Variants in RSBN1 observed in about 807,000 individuals in gnomAD.
RSBN1 encodes round spermatid basic protein 1, also known as lysine-specific demethylase 9.
RSBN1 carries 23 observed loss-of-function variants against 74.8 expected under a neutral mutation model. The observed-to-expected ratio is 0.31, with a 90% CI of 0.22 to 0.44. The LOEUF (loss-of-function observed/expected upper bound fraction) is 0.44. Among genes scored for constraint, RSBN1 ranks in the 20% least tolerant of loss-of-function variants. RSBN1 has a pLI of 1.00. For missense variants in RSBN1, 808 were observed against 1,020.9 expected, an observed-to-expected ratio of 0.79 and a Z score of 2.84; for synonymous variants, 407 against 379.6, an observed-to-expected ratio of 1.07 and a Z score of -0.84.
intron 2 of RSBN1, among the ~76,000 whole-genome samples, chr1:113,793,677 CTTTTT>C (rs10707246): frequency 1.4e-5 from 2 of 146,526 alleles, no homozygotes; most frequent in Non-Finnish European, 3.0e-5. Flanking sequence ...CCTAAGAGTT[CTTTTT>C]TTTTTTTTCT....
chr1:113,771,913 GA>G (rs988510022), intron 4 of RSBN1, among the ~76,000 whole-genome samples: 6 of 150,604 alleles, frequency 4.0e-5, no homozygotes, highest in African/African-American at 1.5e-4. Flanking sequence ...GAAACTGCAG[GA>G]AAAACAAGAC....
intron 4 of RSBN1, among the ~76,000 whole-genome samples, chr1:113,776,389 T>C (rs1660027035): frequency 6.6e-6 from 1 of 152,196 alleles, no homozygotes; most frequent in Non-Finnish European, 1.5e-5. Flanking sequence ...TTAAGTTTTG[T>C]TTGGTTTTGG....
At chr1:113,803,997 G>C (rs1052681481) in intron 1 of RSBN1, among the ~76,000 whole-genome samples, 3 of 150,874 alleles carry the variant, frequency 2.0e-5, no homozygotes, top group Non-Finnish European at 4.4e-5. Flanking sequence ...TGTAGTCCTA[G>C]CTGCAGGAGT....
At chr1:113,769,447 G>A (rs1440631141) in intron 4 of RSBN1, among the ~76,000 whole-genome samples, 1 of 152,086 alleles carries the variant, frequency 6.6e-6, no homozygotes, top group Admixed American at 6.6e-5. Context: ...GGGGAAGTGG[G>A]GATTAGATGG....
At chr1:113,798,808 G>A (rs371455700) in intron 1 of RSBN1, among the ~76,000 whole-genome samples, 1 of 152,078 alleles carries the variant, frequency 6.6e-6, no homozygotes, top group African/African-American at 2.4e-5. Context: ...TTAAACTCTG[G>A]TAGTTACATA....
chr1:113,811,992 G>T lies in RSBN1; in HGVS notation c.421C>A (p.Leu141Ile). The change falls in exon 1 of 7, where the codon CTT becomes ATT. Residue 141 changes from leucine (L) to isoleucine (I), a missense_variant. Coordinates refer to ENST00000261441, the MANE Select transcript of RSBN1 (RefSeq NM_018364.5). Reference protein sequence around the residue: ...APTVPGPVEPLLLPPPPPPSL... With the variant: ...APTVPGPVEPILLPPPPPPSL... ...GGTGGCGGCGGAGGCGGCAGGAGAA[G>T]AGGCTCAACAGGGCCTGGGACAGTT... 1 of 1,559,988 alleles carries T rather than the reference G, an allele frequency of 6.4e-7. No individual in the cohort carries two copies. Among genetic ancestry groups the T allele is most frequent in the East Asian group, 2.3e-5 (1 of 42,936 alleles).
At position 113,811,823 on chromosome 1, in the gene RSBN1, T is replaced by G; in HGVS notation, c.590A>C (p.His197Pro). 1 of 1,613,422 alleles carries G rather than the reference T, an allele frequency of 6.2e-7. No homozygotes were observed. Among genetic ancestry groups the G allele is most frequent in the Non-Finnish European group, 8.5e-7 (1 of 1,179,836 alleles). The change falls in exon 1 of 7, where the codon CAC becomes CCC. Residue 197 changes from histidine (H) to proline (P), a missense_variant. Physicochemically the swap from His to Pro is moderately conservative, Grantham distance 77. Coordinates refer to ENST00000261441, the MANE Select transcript of RSBN1 (RefSeq NM_018364.5). The stretch of plus-strand genomic sequence containing the variant: ...GCTGGGATCACCATCGGGGCCGCGG[T>G]GGTGATGGTGCTTGTGCCGCTCCTT... ...GHKERHKHHHHRGPDGDPSSC... is the reference protein window; with the variant it reads ...GHKERHKHHHPRGPDGDPSSC...
At chr1:113,768,125 A>G in intron 5 of RSBN1, 97 bp downstream of exon 5, 1 of 1,039,540 alleles carries the variant, frequency 9.6e-7, no homozygotes. Flanking sequence ...TGTGTATTTT[A>G]CCACAATTTA....
At chr1:113,806,319 C>T (rs1234964375) in intron 1 of RSBN1, among the ~76,000 whole-genome samples, 2 of 146,432 alleles carry the variant, frequency 1.4e-5, no homozygotes, top group African/African-American at 5.1e-5. Flanking sequence ...TGGCACAGAG[C>T]GAGACTCTGT....
rs1045585157 is a variant in RSBN1, at chr1:113,764,911, T to A, written c.*1069A>T. 6.6e-6 allele frequency: 1 copy of A among 152,274 alleles called. No homozygotes were observed. Among genetic ancestry groups the A allele is most frequent in the Non-Finnish European group, 1.5e-5 (1 of 67,996 alleles). 9.4% of individuals were successfully genotyped at this position (152,274 alleles called of 1,614,324 possible). On this transcript the variant is annotated 3_prime_UTR_variant, in exon 7 of 7. Transcript: ENST00000261441. ...CTCAGGCACTAAGCATTAGCCTACC[T>A]GAAACTCTAGGATGAAGTCTAGTGC...
chr1:113,762,131 G>A lies in RSBN1; in HGVS notation c.*3849C>T, dbSNP rs1659690336. 1 of 152,638 alleles carries A rather than the reference G, an allele frequency of 6.6e-6. No individual in the cohort carries two copies. Among genetic ancestry groups the A allele is most frequent in the Non-Finnish European group, 1.5e-5 (1 of 68,004 alleles). 9.5% of individuals were successfully genotyped at this position (152,638 alleles called of 1,614,324 possible). On this transcript the variant is annotated 3_prime_UTR_variant, in exon 7 of 7. Transcript: ENST00000261441. ...GCAAAGACCTCTTAGATAAATAAAA[G>A]CCACAGGAAAAAAAGTCTTAGCTGC...
At position 113,811,705 on chromosome 1, in the gene RSBN1, C is replaced by G; in HGVS notation, c.703+5G>C. ...ACCCAAGCCGGGCAGTTTGCCTGCTCTCACCTCTCTTGGGGGCTTTGATCA... is the reference window on the plus strand; with the variant it reads ...ACCCAAGCCGGGCAGTTTGCCTGCTGTCACCTCTCTTGGGGGCTTTGATCA... On this transcript the variant is annotated splice_donor_5th_base_variant and intron_variant, in intron 1 of 6. Coordinates refer to ENST00000261441, the MANE Select transcript of RSBN1 (RefSeq NM_018364.5). 1 of 1,576,110 alleles carries G rather than the reference C, an allele frequency of 6.3e-7. No individual in the cohort carries two copies. The highest frequency in any genetic ancestry group is 8.6e-7 in the Non-Finnish European group (1 of 1,157,594).
rs1253780587 is a variant in RSBN1, at chr1:113,762,940, T to TA, written c.*3039dup. On this transcript the variant is annotated 3_prime_UTR_variant, in exon 7 of 7. Coordinates refer to ENST00000261441, the MANE Select transcript of RSBN1 (RefSeq NM_018364.5). The stretch of plus-strand genomic sequence containing the variant: ...AGGGCACTTTTCAAAAGTCTTTCAC[T>TA]AAAAAATAATAAAAGTACCAGTTAA... 8 of 152,738 alleles carry TA rather than the reference T, an allele frequency of 5.2e-5. No homozygotes were observed. Among genetic ancestry groups the TA allele is most frequent in the African/African-American group, 1.7e-4 (7 of 41,446 alleles). 9.5% of individuals were successfully genotyped at this position (152,738 alleles called of 1,614,324 possible).
chr1:113,797,764 C>T lies in RSBN1; in HGVS notation c.976G>A (p.Glu326Lys). 1.2e-6 allele frequency: 2 copies of T among 1,614,092 alleles called. No homozygotes were observed. Among genetic ancestry groups the T allele is most frequent in the Non-Finnish European group, 1.7e-6 (2 of 1,179,996 alleles). ...TGTACTCCCTGGGGTACCCGATATT[C>T]TTGCATACCCAAATTTAATCGGCAC... ...QLCRLNLGMQ[E>K]YRVPQGVQTP... Residue 326 changes from glutamate (E) to lysine (K), a missense_variant, in exon 2 of 7, where the codon GAA (glutamate) becomes AAA (lysine). Transcript: ENST00000261441.
intron 2 of RSBN1, among the ~76,000 whole-genome samples, chr1:113,779,850 G>A (rs574322428): frequency 7.9e-5 from 12 of 151,920 alleles, no homozygotes; most frequent in South Asian, 4.2e-4. Flanking sequence ...GTGAAATCCC[G>A]TCTCTACTAA....
chr1:113,810,873 G>A (rs1660823441), intron 1 of RSBN1, among the ~76,000 whole-genome samples: 1 of 152,124 alleles, frequency 6.6e-6, no homozygotes, highest in Non-Finnish European at 1.5e-5. Flanking sequence ...AATGCTACAG[G>A]TACTTGGGAA....
At chr1:113,772,507 A>C (rs994513582) in intron 4 of RSBN1, among the ~76,000 whole-genome samples, 12 of 152,220 alleles carry the variant, frequency 7.9e-5, no homozygotes, top group African/African-American at 2.6e-4. Flanking sequence ...AGGATTTTCC[A>C]TTGTAAGTCT....
At chr1:113,777,507 T>C (rs985925670) in intron 3 of RSBN1, among the ~76,000 whole-genome samples, 155 bp from the exon 4 acceptor site, 1 of 152,366 alleles carries the variant, frequency 6.6e-6, no homozygotes, top group South Asian at 2.1e-4. Flanking sequence ...AAAAGAATAA[T>C]TGAATTTAAG....
At chr1:113,791,058 A>G (rs1274936440) in intron 2 of RSBN1, among the ~76,000 whole-genome samples, 2 of 152,288 alleles carry the variant, frequency 1.3e-5, no homozygotes, top group South Asian at 4.1e-4. Context: ...GTGGAGGAAC[A>G]AACAGAATTG....
Sources: allele counts gnomAD v4.1 joint callset (sites outside exome capture counted in the v4.1 genomes callset), GRCh38; gene constraint gnomAD v4.1.1; transcripts MANE v1.5; gene names NCBI Gene and HGNC (gene_info 2026-07-23, HGNC 2026-07-21).